The following DMD variants were observed in gnomAD, a reference collection of about 807,000 sequenced individuals.
DMD encodes the protein mutant dystrophin.
A neutral mutation model predicts 330.1 loss-of-function variants in DMD; 63 were observed. That is an observed-to-expected ratio of 0.19 (90% CI 0.16 to 0.24). The LOEUF (loss-of-function observed/expected upper bound fraction) is 0.24, where lower values mean the gene tolerates loss of function less well. DMD is among the 10% of genes least tolerant of loss of function. The pLI is 1.00. For synonymous variants in DMD, 1,223 were observed against 959.8 expected, an observed-to-expected ratio of 1.27 and a Z score of -5.07; for missense variants, 3,344 against 2,684.1, an observed-to-expected ratio of 1.25 and a Z score of -5.43.
intron 17 of DMD, among the ~76,000 whole-genome samples, chrX:32,524,507 C>G (rs1322192198): frequency 1.8e-5 from 2 of 111,977 alleles, no homozygotes; most frequent in African/African-American, 6.5e-5. Context: ...TCACACTGGT[C>G]TTTTTAAGAG....
At chrX:32,092,724 C>CT (rs11315047) in intron 44 of DMD, among the ~76,000 whole-genome samples, 628 of 39,637 alleles carry the variant, frequency 0.016, 27 homozygotes, top group African/African-American at 0.025. Flanking sequence ...GTTATTTTCA[C>CT]TTTTTTTTTT....
At chrX:31,966,551 T>G (rs1305211483) in intron 45 of DMD, among the ~76,000 whole-genome samples, 1 of 110,739 alleles carries the variant, frequency 9.0e-6, no homozygotes, top group Non-Finnish European at 1.9e-5. Context: ...TTTAAAGCAC[T>G]GAAGTGCAAT....
At chrX:32,682,500 T>C (rs1421264040) in intron 9 of DMD, among the ~76,000 whole-genome samples, 1 of 111,682 alleles carries the variant, frequency 9.0e-6, no homozygotes, top group African/African-American at 3.3e-5. Context: ...TATTAGCGAG[T>C]ATTCAAATAT....
At chrX:32,792,888 G>A (rs1408911379) in intron 7 of DMD, among the ~76,000 whole-genome samples, 4 of 112,019 alleles carry the variant, frequency 3.6e-5, no homozygotes, top group Non-Finnish European at 7.5e-5. Context: ...CCCACTCTCA[G>A]CATTAGATCA....
rs1337552940 is a variant in DMD, at chrX:31,121,415, G to C, written c.*504C>G. 1 of 112,517 alleles carries C rather than the reference G, an allele frequency of 8.9e-6. No individual in the cohort carries two copies. The highest frequency in any genetic ancestry group is 1.8e-5 in the Non-Finnish European group (1 of 57,122). The allele number at this position is 112,517 out of a possible 1,213,427, so 9.3% of individuals were successfully genotyped here. A position where few individuals can be genotyped will look rare whatever the true frequency, so the allele number is the denominator to read the frequency against. ...CCAAAAGGATGCAAAACAATGCGCT[G>C]CCTCAAAGTTTTGTGTGTGTGTGTG... On this transcript the variant is annotated 3_prime_UTR_variant, in exon 79 of 79. Transcript: ENST00000357033.
At position 32,413,327 on chromosome X, in the gene DMD, C is replaced by A. The variant is rs2098151662; in HGVS notation, c.4072-1414G>T. Among the ~76,000 whole-genome samples the A allele has an allele frequency of 3.6e-5, 4 of 111,514 alleles. No homozygotes were observed. The South Asian group carries it at 1.5e-3, about 42-fold the overall frequency. On this transcript the variant is annotated intron_variant, in intron 29 of 78. Coordinates refer to ENST00000357033, the MANE Select transcript of DMD (RefSeq NM_004006.3). ...ACCTACTTCTCAACTCCCCAACTTG[C>A]TTTTCCTCCTTCTCTGTATTTTTTC...
chrX:32,733,157 A>G (rs1208221520), intron 7 of DMD, among the ~76,000 whole-genome samples: 2 of 109,929 alleles, frequency 1.8e-5, no homozygotes, highest in Non-Finnish European at 3.8e-5. Context: ...AGATCAAAAG[A>G]GACAAAGAAG....
At position 32,231,647 on chromosome X, in the gene DMD, A is replaced by G. The variant is rs900416499; in HGVS notation, c.6291-14584T>C. On this transcript the variant is annotated intron_variant, in intron 43 of 78. Coordinates refer to ENST00000357033, the MANE Select transcript of DMD (RefSeq NM_004006.3). ...GGGAAATTCTATTTTCTCTCTTACT[A>G]CTATTCTACTTTCTCTATTTTCTCT... is the stretch of plus-strand genomic sequence containing the variant. 5.4e-5 allele frequency among the ~76,000 whole-genome samples: 6 copies of G among 111,675 alleles called. No individual in the cohort carries two copies. In the East Asian group the frequency reaches 1.4e-3, roughly 26 times the overall value.
intron 2 of DMD, among the ~76,000 whole-genome samples, chrX:32,937,772 T>C: frequency 9.1e-6 from 1 of 109,816 alleles, no homozygotes; most frequent in South Asian, 4.1e-4. Flanking sequence ...ACGATGAGTC[T>C]CTCTTCCTCC....
chrX:32,013,093 C>CTTTTTTTTTTTTTTTTTTTTTTTTTTTT (rs754162660), intron 44 of DMD, among the ~76,000 whole-genome samples: 1 of 61,198 alleles, frequency 1.6e-5, no homozygotes. Context: ...CTTTTCTTTC[C>CTTTTTTTTTTTTTTTTTTTTTTTTTTTT]TTTTTTTTTT....
At chrX:32,085,907 GAC>G (rs1195078396) in intron 44 of DMD, among the ~76,000 whole-genome samples, 1 of 110,953 alleles carries the variant, frequency 9.0e-6, no homozygotes, top group Non-Finnish European at 1.9e-5. Context: ...TATACCAAAA[GAC>G]ATGTAATAGA....
intron 30 of DMD, among the ~76,000 whole-genome samples, chrX:32,392,289 C>T (rs1338294689): frequency 9.0e-6 from 1 of 111,307 alleles, no homozygotes; most frequent in African/African-American, 3.3e-5. Flanking sequence ...GATGGAATCT[C>T]GCTCTGTCAC....
chrX:33,101,717 T>C (rs972738835), intron 1 of DMD, among the ~76,000 whole-genome samples: 1 of 112,705 alleles, frequency 8.9e-6, no homozygotes, highest in Non-Finnish European at 1.9e-5. Context: ...ATAGTGTGTG[T>C]TGAATGCGTA....
At chrX:31,964,132 T>G (rs1267578624) in intron 45 of DMD, among the ~76,000 whole-genome samples, 1 of 111,743 alleles carries the variant, frequency 8.9e-6, no homozygotes, top group Non-Finnish European at 1.9e-5. Flanking sequence ...TCTTGAAGTC[T>G]TATTTAGACC....
intron 2 of DMD, among the ~76,000 whole-genome samples, chrX:32,880,356 A>T (rs1325660054): frequency 2.7e-5 from 3 of 109,302 alleles, no homozygotes; most frequent in Non-Finnish European, 5.7e-5. Flanking sequence ...AAAGATGTTT[A>T]ATCAATGTTT....
intron 62 of DMD, among the ~76,000 whole-genome samples, chrX:31,282,899 G>A (rs1439905057): frequency 9.0e-6 from 1 of 111,624 alleles, no homozygotes; most frequent in Non-Finnish European, 1.9e-5. Flanking sequence ...ATTTAACACT[G>A]ACATTCATTA....
chrX:31,876,688 C>CAA (rs1165746413), intron 47 of DMD, among the ~76,000 whole-genome samples: 1 of 83,094 alleles, frequency 1.2e-5, no homozygotes, highest in African/African-American at 4.4e-5. Flanking sequence ...CCCATCTCTA[C>CAA]AAAAAAAAAA....
Position 32,062,542 on chromosome X carries a change from G to C in DMD, c.6439-94028C>G, listed in dbSNP as rs181313382. Among the ~76,000 whole-genome samples the C allele has an allele frequency of 8.8e-4, 98 of 110,936 alleles. 1 individual carries two copies. Among genetic ancestry groups the C allele is most frequent in the Non-Finnish European group, 1.5e-3 (81 of 52,658 alleles). ...ATGATTCACATGAACACTTAAGAAA[G>C]TTAAATGGGGCAAGGCAGAAATGTA... is the stretch of plus-strand genomic sequence containing the variant. On this transcript the variant is annotated intron_variant, in intron 44 of 78. Transcript: ENST00000357033.
At chrX:31,386,184 C>T (rs1391539384) in intron 60 of DMD, among the ~76,000 whole-genome samples, 1 of 111,606 alleles carries the variant, frequency 9.0e-6, no homozygotes, top group Non-Finnish European at 1.9e-5. Context: ...AATGAGAACA[C>T]ATGGACACAG....
Sources: allele counts gnomAD v4.1 joint callset (sites outside exome capture counted in the v4.1 genomes callset), GRCh38; gene constraint gnomAD v4.1.1; transcripts MANE v1.5; gene names NCBI Gene and HGNC (gene_info 2026-07-23, HGNC 2026-07-21).